The following GOLGA1 variants were observed in gnomAD, a reference collection of about 807,000 sequenced individuals.
The protein encoded by GOLGA1 is golgin A1.
A neutral mutation model predicts 119.7 loss-of-function variants in GOLGA1; 63 were observed. The ratio of observed to expected loss-of-function variants is 0.53; its 90% CI spans 0.43 to 0.65. The LOEUF (loss-of-function observed/expected upper bound fraction) is 0.65. Ranked by LOEUF, GOLGA1 falls within the 30% of genes least tolerant of loss-of-function variation. GOLGA1 has a pLI of 0.00. For synonymous variants in GOLGA1, 318 were observed against 333.4 expected (o/e 0.95, Z 0.50); for missense variants, 798 against 912.8 (o/e 0.87, Z 1.62).
At chr9:124,924,044 T>C (rs1334810584) in intron 7 of GOLGA1, among the ~76,000 whole-genome samples, 1 of 152,066 alleles carries the variant, frequency 6.6e-6, no homozygotes, top group East Asian at 1.9e-4. Flanking sequence ...TTAGCAGAGA[T>C]GAGGTTTCAC....
chr9:124,913,310 G>A (rs551696002), intron 10 of GOLGA1, among the ~76,000 whole-genome samples: 5 of 152,310 alleles, frequency 3.3e-5, no homozygotes, highest in African/African-American at 1.2e-4. Flanking sequence ...CAAAGCAGAG[G>A]ATCCAGGAAG....
chr9:124,924,818 A>G (rs1032399372), intron 7 of GOLGA1, among the ~76,000 whole-genome samples: 1 of 146,914 alleles, frequency 6.8e-6, no homozygotes, highest in Non-Finnish European at 1.5e-5. Flanking sequence ...AACCTCTCAC[A>G]CCTGTAATCC....
At chr9:124,904,314 G>A (rs1009449612) in intron 12 of GOLGA1, among the ~76,000 whole-genome samples, 18 of 152,124 alleles carry the variant, frequency 1.2e-4, no homozygotes, top group African/African-American at 4.3e-4. Flanking sequence ...AATAAGTATA[G>A]AGTTTCTGTT....
At chr9:124,944,466 ATTTTTTTTTTTTT>A (rs71374207), upstream of GOLGA1, 4 of 84,726 alleles carry the variant, frequency 4.7e-5, no homozygotes, top group Admixed American at 1.6e-4. Flanking sequence ...TGCCTGGCTA[ATTTTTTTTTTTTT>A]TTTTTTTTTT....
intron 13 of GOLGA1, 66 bp downstream of exon 13, chr9:124,900,386 C>A: frequency 2.4e-6 from 2 of 836,636 alleles, no homozygotes; most frequent in South Asian, 1.4e-5. Context: ...GAGTTTGGAG[C>A]ATCTGCAAAG....
Position 124,923,227 on chromosome 9 carries a change from T to C in GOLGA1, c.433-4A>G, listed in dbSNP as rs9644946. 0.016 allele frequency: 25,205 copies of C among 1,585,686 alleles called. 1,302 individuals are homozygous for C. Among genetic ancestry groups the C allele is most frequent in the East Asian group, 0.15 (6,747 of 44,490 alleles). ...GGGCTGTCAGAATATTTTTCTCCTATTTGAAAGAAGAAGACATCAACTCAG... is the reference window on the plus strand; with the variant it reads ...GGGCTGTCAGAATATTTTTCTCCTACTTGAAAGAAGAAGACATCAACTCAG... On this transcript the variant is annotated splice_region_variant and splice_polypyrimidine_tract_variant and intron_variant, in intron 7 of 22. Coordinates refer to ENST00000373555, the MANE Select transcript of GOLGA1 (RefSeq NM_002077.4).
At chr9:124,921,569 G>T in intron 9 of GOLGA1, 154 bp downstream of exon 9, 1 of 696,092 alleles carries the variant, frequency 1.4e-6, no homozygotes, top group Non-Finnish European at 2.5e-6. Context: ...GGTAGGGTGA[G>T]GCCTGAGTCC....
chr9:124,914,238 C>T lies in GOLGA1; in HGVS notation c.844-2212G>A, dbSNP rs10986484. 2.0e-5 allele frequency among the ~76,000 whole-genome samples: 3 copies of T among 152,350 alleles called. No individual in the cohort carries two copies. The East Asian group carries it at 5.8e-4, about 29-fold the overall frequency. ...GTAGGCTGGGCGTGGTGGCTCACGC[C>T]TGTAATCCCAGCACTTTGGGAAGCT... On this transcript the variant is annotated intron_variant, in intron 10 of 22. Transcript: ENST00000373555.
chr9:124,897,267 TAACTTG>T (rs1161691126), intron 15 of GOLGA1, among the ~76,000 whole-genome samples: 1 of 152,256 alleles, frequency 6.6e-6, no homozygotes, highest in Non-Finnish European at 1.5e-5. Flanking sequence ...TGTTAATTTG[TAACTTG>T]GTTACCATCT....
At chr9:124,900,112 CCA>C (rs1395473153) in intron 13 of GOLGA1, 1 of 227,058 alleles carries the variant, frequency 4.4e-6, no homozygotes, top group Non-Finnish European at 8.7e-6. Flanking sequence ...GCCATCCTCC[CCA>C]GAGTCTGGAC....
At chr9:124,889,395 G>C (rs1358801702) in intron 17 of GOLGA1, 39 bp downstream of exon 17, 1 of 1,588,168 alleles carries the variant, frequency 6.3e-7, no homozygotes, top group Non-Finnish European at 8.6e-7. Context: ...TGCTGGGCCT[G>C]AAAAGGAGAG....
intron 8 of GOLGA1, 114 bp from the exon 9 acceptor site, chr9:124,922,006 T>C: frequency 1.2e-6 from 1 of 822,852 alleles, no homozygotes. Context: ...GGCAGGTGGA[T>C]CACTTGAGGT....
intron 10 of GOLGA1, among the ~76,000 whole-genome samples, chr9:124,913,728 T>A (rs1830383309): frequency 6.6e-6 from 1 of 152,214 alleles, no homozygotes; most frequent in Non-Finnish European, 1.5e-5. Flanking sequence ...GCATGGAGGC[T>A]GGTGGTGGAG....
intron 15 of GOLGA1, among the ~76,000 whole-genome samples, chr9:124,892,708 G>A (rs1427671831): frequency 3.3e-5 from 5 of 152,062 alleles, no homozygotes; most frequent in African/African-American, 7.2e-5. Flanking sequence ...AAAAGTGGAC[G>A]GATCACCTGA....
chr9:124,922,513 T>C (rs1830591299), intron 8 of GOLGA1, among the ~76,000 whole-genome samples: 1 of 138,332 alleles, frequency 7.2e-6, no homozygotes, highest in African/African-American at 2.8e-5. Flanking sequence ...ATCATGCCAC[T>C]GCACTCCAGC....
chr9:124,929,843 A>G (rs1830741780), intron 4 of GOLGA1, among the ~76,000 whole-genome samples: 1 of 152,202 alleles, frequency 6.6e-6, no homozygotes, highest in Non-Finnish European at 1.5e-5. Context: ...TGTGAATGTC[A>G]GAATTAATTA....
At chr9:124,921,652 A>G in intron 9 of GOLGA1, 71 bp downstream of exon 9, 1 of 1,179,186 alleles carries the variant, frequency 8.5e-7, no homozygotes, top group Non-Finnish European at 1.2e-6. Flanking sequence ...AACAATGGGG[A>G]AAGGTGGGCA....
chr9:124,931,845 A>T (rs1830777065), intron 3 of GOLGA1, among the ~76,000 whole-genome samples: 1 of 152,222 alleles, frequency 6.6e-6, no homozygotes, highest in African/African-American at 2.4e-5. Flanking sequence ...CATCTATGAA[A>T]CAAACGGATA....
chr9:124,889,012 C>CA, intron 18 of GOLGA1, 131 bp downstream of exon 18: 1 of 708,232 alleles, frequency 1.4e-6, no homozygotes, highest in Non-Finnish European at 2.3e-6. Flanking sequence ...TGCCCTACTT[C>CA]AAAGAAAGGA....
Sources: allele counts gnomAD v4.1 joint callset (sites outside exome capture counted in the v4.1 genomes callset), GRCh38; gene constraint gnomAD v4.1.1; transcripts MANE v1.5; gene names NCBI Gene and HGNC (gene_info 2026-07-23, HGNC 2026-07-21).